The following MED16 variants were observed in gnomAD, a reference collection of about 807,000 sequenced individuals.
MED16 encodes mediator complex subunit 16.
A neutral mutation model predicts 84.4 loss-of-function variants in MED16; 81 were observed. The observed-to-expected ratio is 0.96, with a 90% CI of 0.80 to 1.15. The LOEUF is 1.15. Among genes scored for constraint, MED16 ranks in the 50% most tolerant of loss-of-function variants. MED16 has a pLI of 0.00. For missense variants in MED16, 1,585 were observed against 1,245.9 expected (o/e 1.27, Z -4.10); for synonymous variants, 897 against 552.2 (o/e 1.62, Z -8.76).
chr19:886,563 C>A (rs2036531343), intron 4 of MED16, among the ~76,000 whole-genome samples: 1 of 152,328 alleles, frequency 6.6e-6, no homozygotes. Flanking sequence ...TCTGCCGTGG[C>A]GGCACACAGG....
In MED16 at chr19:873,503, G is replaced by C. The variant is rs749501861; in HGVS notation, c.1851C>G (p.Leu617=). 2 of 1,612,096 alleles carry C rather than the reference G, an allele frequency of 1.2e-6. 1 individual carries two copies. Among genetic ancestry groups the C allele is most frequent in the South Asian group, 2.2e-5 (2 of 91,080 alleles). ...GCACGAAGTCGCCCACCCACTGCAA[G>C]AGCTGCTGCAGCGCCTGCAGTGTGT... is the stretch of plus-strand genomic sequence containing the variant. ...DMNTLQALQQ[L]LQWVGDFVLY... Residue 617 remains leucine (L), a synonymous_variant, in exon 11 of 16, where the codon CTC becomes CTG. Coordinates refer to ENST00000325464, the MANE Select transcript of MED16 (RefSeq NM_005481.3).
intron 9 of MED16, among the ~76,000 whole-genome samples, chr19:876,332 C>A (rs916342815): frequency 2.0e-5 from 3 of 152,068 alleles, no homozygotes; most frequent in African/African-American, 7.2e-5. Context: ...CCTCCGTATC[C>A]GCTCCCTCCT....
Position 875,308 on chromosome 19 carries a change from G to C in MED16, c.1707C>G (p.Leu569=), listed in dbSNP as rs1159949729. 3 of 1,611,030 alleles carry C rather than the reference G, an allele frequency of 1.9e-6. No individual in the cohort carries two copies. The African/African-American group carries it at 4.0e-5, about 22-fold the overall frequency. The change falls in exon 10 of 16, where the codon CTC becomes CTG. Residue 569 remains leucine, a synonymous_variant. Coordinates refer to ENST00000325464, the MANE Select transcript of MED16 (RefSeq NM_005481.3). ...CGCCGGGGCTCTTGTCAGGCGTGTT[G>C]AGAAAGTGGGGGCGCAGCAGCGACT... ...TLKSLLRPHF[L]NTPDKSPGDR...
chr19:876,543 TAC>T (rs2036235055), intron 9 of MED16, among the ~76,000 whole-genome samples: 1 of 152,034 alleles, frequency 6.6e-6, no homozygotes, highest in African/African-American at 2.4e-5. Context: ...CTTAACGTGT[TAC>T]AGAAGAAACT....
At chr19:870,631 G>A (rs1039077374) in intron 13 of MED16, among the ~76,000 whole-genome samples, 1 of 151,726 alleles carries the variant, frequency 6.6e-6, no homozygotes, top group African/African-American at 2.4e-5. Flanking sequence ...GGGGTGGTTC[G>A]TGACACAGCA....
intron 11 of MED16, 51 bp downstream of exon 11, chr19:873,398 G>A (rs758923298): frequency 1.9e-6 from 3 of 1,574,332 alleles, no homozygotes; most frequent in Non-Finnish European, 2.6e-6. Context: ...GGGTCCTGAT[G>A]AGATGGGGGC....
At chr19:869,646 G>A (rs1017981921) in intron 13 of MED16, among the ~76,000 whole-genome samples, 7 of 152,080 alleles carry the variant, frequency 4.6e-5, no homozygotes, top group Admixed American at 1.3e-4. Context: ...CCTTCCCGGA[G>A]GTCCCGGAGC....
chr19:890,894 C>A (rs2036618332), intron 2 of MED16, 69 bp downstream of exon 2: 6 of 1,530,214 alleles, frequency 3.9e-6, no homozygotes, highest in East Asian at 2.3e-5. Flanking sequence ...AGGCAGTGGG[C>A]CGGGCACCTG....
In MED16 at chr19:868,932, G is replaced by T; in HGVS notation, c.2330C>A (p.Pro777His). Residue 777 changes from proline (P) to histidine (H), a missense_variant, in exon 14 of 16, where the codon CCC becomes CAC. Physicochemically the swap from Pro to His is moderately conservative, Grantham distance 77. Transcript: ENST00000325464. Reference protein sequence around the residue: ...LDGLARAPGQPKIDHLRRLHL... With the variant: ...LDGLARAPGQHKIDHLRRLHL... ...CAGCCTCCGCAGGTGGTCGATCTTG[G>T]GCTGGCCTGGGGCCCTGGCGGGAGA... is the stretch of plus-strand genomic sequence containing the variant. 2 of 1,544,258 alleles carry T rather than the reference G, an allele frequency of 1.3e-6. No homozygotes were observed. Among genetic ancestry groups the T allele is most frequent in the South Asian group, 1.2e-5 (1 of 84,094 alleles).
chr19:889,513 T>C lies in MED16; in HGVS notation c.447+125A>G, dbSNP rs1210311688. The C allele has an allele frequency of 4.5e-6, 5 of 1,108,990 alleles. No individual in the cohort carries two copies. In the East Asian group the frequency reaches 1.3e-4, roughly 29 times the overall value. The allele number at this position is 1,108,990 out of a possible 1,614,324, so 68.7% of individuals were successfully genotyped here. ...GTGCTAATGACAGCCGGACTGCAGG[T>C]GGGAGCCAAGTGCAAGGTCCAAAAA... On this transcript the variant is annotated intron_variant, in intron 4 of 15. Coordinates refer to ENST00000325464, the MANE Select transcript of MED16 (RefSeq NM_005481.3).
intron 2 of MED16, among the ~76,000 whole-genome samples, chr19:890,623 G>A (rs968876459): frequency 4.6e-5 from 7 of 152,138 alleles, no homozygotes; most frequent in South Asian, 2.1e-4. Flanking sequence ...GAGAGAAGAC[G>A]GGCACAGCCA....
At position 875,461 on chromosome 19, in the gene MED16, G is replaced by A. The variant is rs1219168559; in HGVS notation, c.1561-7C>T. 3 of 1,595,922 alleles carry A rather than the reference G, an allele frequency of 1.9e-6. No individual in the cohort carries two copies. Among genetic ancestry groups the A allele is most frequent in the Middle Eastern group, 2.1e-4 (1 of 4,710 alleles). On this transcript the variant is annotated splice_polypyrimidine_tract_variant and splice_region_variant and intron_variant, in intron 9 of 15. Transcript: ENST00000325464. ...GGATCCGGGTGGAGAGGACCTGAGG[G>A]CAGGAAGCCAGGTCACCCCAAGGGG...
chr19:878,062 C>T (rs1397813529), intron 8 of MED16, among the ~76,000 whole-genome samples: 1 of 135,000 alleles, frequency 7.4e-6, no homozygotes, highest in Non-Finnish European at 1.6e-5. Flanking sequence ...AGCTCGCCTT[C>T]CCCTGGCTGT....
In MED16 at chr19:875,452, G is replaced by C. The variant is rs759500855; in HGVS notation, c.1563C>G (p.Val521=). The change falls in exon 10 of 16, where the codon GTC becomes GTG. Residue 521 remains valine (V), a splice_region_variant and synonymous_variant. Transcript: ENST00000325464. The part of the protein sequence containing the change: ...YTRQTAALQQ[V]LSTRILAMKA... ...TCATGGCCAGGATCCGGGTGGAGAGGACCTGAGGGCAGGAAGCCAGGTCAC... is the reference window on the plus strand; with the variant it reads ...TCATGGCCAGGATCCGGGTGGAGAGCACCTGAGGGCAGGAAGCCAGGTCAC... 6.3e-7 allele frequency: 1 copy of C among 1,599,514 alleles called. No individual in the cohort carries two copies. The highest frequency in any genetic ancestry group is 2.2e-5 in the East Asian group (1 of 44,818).
In MED16 at chr19:868,104, C is replaced by A; in HGVS notation, c.2631G>T (p.Pro877=). 6.2e-7 allele frequency: 1 copy of A among 1,606,708 alleles called. No individual in the cohort carries two copies. Among genetic ancestry groups the A allele is most frequent in the Non-Finnish European group, 8.5e-7 (1 of 1,178,074 alleles). ...SLDHLHPEDR[P] is the part of the protein sequence containing the mutation. ...GGTCCGCCTGGACCCCCGGCCGTCA[C>A]GGACGGTCCTCTGGATGCAGATGGT... Residue 877 remains proline, a synonymous_variant, in exon 16 of 16, where the codon CCG becomes CCT. Transcript: ENST00000325464.
chr19:886,769 T>C (rs1053237953), intron 4 of MED16, among the ~76,000 whole-genome samples: 1 of 152,236 alleles, frequency 6.6e-6, no homozygotes, highest in African/African-American at 2.4e-5. Context: ...TCTTTCAACG[T>C]GAGTCTTTTA....
chr19:871,235 G>T lies in MED16; in HGVS notation c.2117C>A (p.Ala706Glu). 1.3e-6 allele frequency: 2 copies of T among 1,539,954 alleles called. No individual in the cohort carries two copies. Among genetic ancestry groups the T allele is most frequent in the Non-Finnish European group, 1.8e-6 (2 of 1,139,036 alleles). Residue 706 changes from alanine to glutamate, a missense_variant, in exon 13 of 16, where the codon GCG becomes GAG. Transcript: ENST00000325464. ...CACCAGCGCCTCGTCCGGCTCGCTCGCTGGGCCCTCATCGCGACCTGCGGA... is the reference window on the plus strand; with the variant it reads ...CACCAGCGCCTCGTCCGGCTCGCTCTCTGGGCCCTCATCGCGACCTGCGGA... ...LWICCRDEGP[A>E]SEPDEALVDE...
In MED16 at chr19:868,500, C is replaced by A; in HGVS notation, c.2400-1G>T. The A allele has an allele frequency of 6.2e-7, 1 of 1,609,874 alleles. No homozygotes were observed. The highest frequency in any genetic ancestry group is 8.5e-7 in the Non-Finnish European group (1 of 1,179,830). Reference sequence around the variant, plus strand: ...CTTGAGCATGGTGACACAGCCGCACCTGCGGGGAGGCAGGCACTGAGCGGG... The same window carrying A: ...CTTGAGCATGGTGACACAGCCGCACATGCGGGGAGGCAGGCACTGAGCGGG... On this transcript the variant is annotated splice_acceptor_variant, in intron 14 of 15. Transcript: ENST00000325464. LOFTEE classifies it high-confidence loss of function.
chr19:870,868 G>A (rs576558528), intron 13 of MED16, among the ~76,000 whole-genome samples, 169 bp downstream of exon 13: 3 of 143,934 alleles, frequency 2.1e-5, no homozygotes, highest in South Asian at 2.3e-4. Context: ...GGAGGGAGCC[G>A]TGTGGATTCG....
Sources: allele counts gnomAD v4.1 joint callset (sites outside exome capture counted in the v4.1 genomes callset), GRCh38; gene constraint gnomAD v4.1.1; transcripts MANE v1.5; gene names NCBI Gene and HGNC (gene_info 2026-07-23, HGNC 2026-07-21).